Variants in SESN1 observed in about 807,000 individuals in gnomAD.
The protein encoded by SESN1 is sestrin 1.
Under a neutral mutation model 59.3 loss-of-function variants are expected in SESN1, and 30 were observed. That is an observed-to-expected ratio of 0.51 (90% CI 0.38 to 0.69). SESN1 has a LOEUF of 0.69. SESN1 is among the 30% of genes least tolerant of loss of function. The pLI, the probability that SESN1 is intolerant of heterozygous loss-of-function variation, is 0.00. For synonymous variants in SESN1, 197 were observed against 219.9 expected (o/e 0.90, Z 0.92); for missense variants, 566 against 673.0 (o/e 0.84, Z 1.76).
At chr6:109,085,806 G>C (rs1017333016) in intron 1 of SESN1, among the ~76,000 whole-genome samples, 2 of 152,036 alleles carry the variant, frequency 1.3e-5, no homozygotes, top group African/African-American at 4.8e-5. Context: ...ATTAGAATTG[G>C]TGGCAAAGCT....
intron 1 of SESN1, among the ~76,000 whole-genome samples, chr6:109,088,933 C>T (rs1460826370): frequency 6.6e-6 from 1 of 152,174 alleles, no homozygotes; most frequent in Admixed American, 6.5e-5. Context: ...TCTTCAAGTC[C>T]TAAGTACAGT....
At position 109,093,881 on chromosome 6, in the gene SESN1, G is replaced by A; in HGVS notation, c.193C>T (p.Leu65=). 1 of 1,614,198 alleles carries A rather than the reference G, an allele frequency of 6.2e-7. No homozygotes were observed. The highest frequency in any genetic ancestry group is 8.5e-7 in the Non-Finnish European group (1 of 1,180,034). ...GAAAGCATAAGCAGATGAGCAAGTA[G>A]CTTATTCAACCCATCCGAAGACTCG... is the stretch of plus-strand genomic sequence containing the variant. ...NTESSDGLNK[L]LAHLLMLSKR... is the part of the protein sequence containing the mutation. The change falls in exon 1 of 10, where the codon CTA becomes TTA. Residue 65 remains leucine (L), a synonymous_variant. Coordinates refer to ENST00000436639, the MANE Select transcript of SESN1 (RefSeq NM_014454.3).
intron 1 of SESN1, among the ~76,000 whole-genome samples, chr6:109,017,487 A>G (rs984576058): frequency 4.6e-5 from 7 of 152,058 alleles, no homozygotes; most frequent in African/African-American, 1.7e-4. Flanking sequence ...GGGTTTCACC[A>G]TGTTAGCCAG....
intron 1 of SESN1, among the ~76,000 whole-genome samples, chr6:109,069,361 T>C (rs1780891944): frequency 6.6e-6 from 1 of 151,566 alleles, no homozygotes; most frequent in South Asian, 2.1e-4. Flanking sequence ...AGAATAAGAA[T>C]GAGACTGGCA....
chr6:108,993,458 T>C (rs1779434755), intron 6 of SESN1, among the ~76,000 whole-genome samples: 1 of 152,154 alleles, frequency 6.6e-6, no homozygotes, highest in Non-Finnish European at 1.5e-5. Flanking sequence ...ACTCTACATC[T>C]TTAGGCATGG....
chr6:109,072,846 A>G (rs1780961280), intron 1 of SESN1, among the ~76,000 whole-genome samples: 1 of 152,232 alleles, frequency 6.6e-6, no homozygotes, highest in African/African-American at 2.4e-5. Context: ...AGCTAAGGCA[A>G]CACGATAGTT....
At chr6:109,033,341 A>C (rs1780210727) in intron 1 of SESN1, among the ~76,000 whole-genome samples, 1 of 152,252 alleles carries the variant, frequency 6.6e-6, no homozygotes, top group Non-Finnish European at 1.5e-5. Flanking sequence ...ATTAGAATAA[A>C]AAAATTTATT....
At chr6:109,088,963 T>G (rs1400803855) in intron 1 of SESN1, among the ~76,000 whole-genome samples, 1 of 152,192 alleles carries the variant, frequency 6.6e-6, no homozygotes, top group African/African-American at 2.4e-5. Context: ...GCCCAGAATA[T>G]TTCTCAAAAA....
rs1780323973 is a variant in SESN1, at chr6:109,040,646, A to AT, written c.280-38304_280-38303insA. On this transcript the variant is annotated intron_variant, in intron 1 of 9. Coordinates refer to ENST00000436639, the MANE Select transcript of SESN1 (RefSeq NM_014454.3). Reference sequence around the variant, plus strand: ...GAACTGTTAAACATATATGTGACAAACTAGCATAATCTTTTTTTTTTTTTT... The same window carrying AT: ...GAACTGTTAAACATATATGTGACAAATCTAGCATAATCTTTTTTTTTTTTTT... Among the ~76,000 whole-genome samples, 2 of 151,408 alleles carry AT rather than the reference A, an allele frequency of 1.3e-5. 1 individual carries two copies. The highest frequency in any genetic ancestry group is 4.2e-4 in the South Asian group (2 of 4,776).
At chr6:109,086,892 G>C (rs1348292415) in intron 1 of SESN1, among the ~76,000 whole-genome samples, 1 of 152,156 alleles carries the variant, frequency 6.6e-6, no homozygotes, top group Non-Finnish European at 1.5e-5. Context: ...CCAGCACTTT[G>C]GGAGGCCGAG....
chr6:109,084,626 G>A (rs1163076115), intron 1 of SESN1, among the ~76,000 whole-genome samples: 1 of 151,980 alleles, frequency 6.6e-6, no homozygotes, highest in African/African-American at 2.4e-5. Context: ...ATTGTCCTAA[G>A]GTGATTTTAT....
At chr6:108,990,325 T>C (rs1347689716) in intron 8 of SESN1, among the ~76,000 whole-genome samples, 1 of 152,224 alleles carries the variant, frequency 6.6e-6, no homozygotes, top group African/African-American at 2.4e-5. Flanking sequence ...AGATAGATTA[T>C]ATGAAGAGAA....
intron 1 of SESN1, among the ~76,000 whole-genome samples, chr6:109,004,808 CAAAA>C (rs1235146885): frequency 2.6e-5 from 4 of 152,146 alleles, no homozygotes; most frequent in African/African-American, 9.7e-5. Context: ...GCTTGACACT[CAAAA>C]CAACTGCAAG....
intron 1 of SESN1, among the ~76,000 whole-genome samples, chr6:109,026,757 C>G (rs1326054375): frequency 6.6e-6 from 1 of 152,186 alleles, no homozygotes; most frequent in Non-Finnish European, 1.5e-5. Context: ...CCCGCCTCAG[C>G]CTCCCAAAGT....
At chr6:109,048,774 T>A (rs1780493588) in intron 1 of SESN1, among the ~76,000 whole-genome samples, 1 of 152,178 alleles carries the variant, frequency 6.6e-6, no homozygotes, top group Non-Finnish European at 1.5e-5. Context: ...TGCCTCCCAT[T>A]CCCCTGATTC....
chr6:109,065,446 A>G (rs1481863295), intron 1 of SESN1, among the ~76,000 whole-genome samples: 4 of 152,186 alleles, frequency 2.6e-5, no homozygotes, highest in Non-Finnish European at 5.9e-5. Flanking sequence ...TAAAATATAA[A>G]TTCACTTGGT....
chr6:109,070,968 C>T (rs1361496643), intron 1 of SESN1, among the ~76,000 whole-genome samples: 1 of 152,092 alleles, frequency 6.6e-6, no homozygotes, highest in Non-Finnish European at 1.5e-5. Flanking sequence ...CTTCAGCTAC[C>T]CAGGTAGGGA....
At chr6:109,078,235 G>A (rs1427122011) in intron 1 of SESN1, among the ~76,000 whole-genome samples, 1 of 151,940 alleles carries the variant, frequency 6.6e-6, no homozygotes, top group Non-Finnish European at 1.5e-5. Context: ...CTTAAAAATT[G>A]GCTGGGTGCA....
At chr6:108,995,165 T>C (rs1272371690) in intron 5 of SESN1, among the ~76,000 whole-genome samples, 2 of 152,232 alleles carry the variant, frequency 1.3e-5, no homozygotes, top group African/African-American at 4.8e-5. Context: ...TTTTACCTTA[T>C]AAAATTAGCA....
Sources: allele counts gnomAD v4.1 joint callset (sites outside exome capture counted in the v4.1 genomes callset), GRCh38; gene constraint gnomAD v4.1.1; transcripts MANE v1.5; gene names NCBI Gene and HGNC (gene_info 2026-07-23, HGNC 2026-07-21).